The following DMD variants were observed in gnomAD, a reference collection of about 807,000 sequenced individuals.
DMD encodes the protein dystrophin.
In DMD, 63 loss-of-function variants were observed where a neutral mutation model predicts 330.1. The ratio of observed to expected loss-of-function variants is 0.19; its 90% CI spans 0.16 to 0.24. The LOEUF (loss-of-function observed/expected upper bound fraction) is 0.24, where lower values mean the gene tolerates loss of function less well. DMD is among the 10% of genes least tolerant of loss of function. DMD has a pLI of 1.00. For synonymous variants in DMD, 1,223 were observed against 959.8 expected (o/e 1.27, Z -5.07); for missense variants, 3,344 against 2,684.1 (o/e 1.25, Z -5.43).
At chrX:32,013,346 A>C (rs1424955005) in intron 44 of DMD, among the ~76,000 whole-genome samples, 1 of 110,657 alleles carries the variant, frequency 9.0e-6, no homozygotes, top group Non-Finnish European at 1.9e-5. Context: ...TGGCCTCCCA[A>C]AGTGCTGGGA....
intron 62 of DMD, among the ~76,000 whole-genome samples, chrX:31,282,384 C>T (rs992143229): frequency 4.2e-4 from 47 of 111,016 alleles, no homozygotes; most frequent in Non-Finnish European, 1.7e-4. Context: ...TTCTCTGTGC[C>T]TCTACCTTCC....
At chrX:32,458,273 G>A (rs1218068561) in intron 25 of DMD, among the ~76,000 whole-genome samples, 4 of 110,997 alleles carry the variant, frequency 3.6e-5, no homozygotes, top group Non-Finnish European at 7.6e-5. Flanking sequence ...GCGTGTGTCT[G>A]GTTTATTTCA....
intron 2 of DMD, among the ~76,000 whole-genome samples, chrX:32,861,691 A>C (rs1263441546): frequency 9.0e-6 from 1 of 111,653 alleles, no homozygotes; most frequent in African/African-American, 3.3e-5. Flanking sequence ...TGGGTGATGG[A>C]ATTTCTTTCC....
intron 2 of DMD, among the ~76,000 whole-genome samples, chrX:32,862,290 T>TAG (rs1481194257): frequency 8.9e-6 from 1 of 112,285 alleles, no homozygotes; most frequent in Non-Finnish European, 1.9e-5. Context: ...GCATCTTAAC[T>TAG]AGAACCCAAT....
chrX:33,142,283 C>A (rs1471795126), intron 1 of DMD, among the ~76,000 whole-genome samples: 1 of 112,290 alleles, frequency 8.9e-6, no homozygotes, highest in Non-Finnish European at 1.9e-5. Flanking sequence ...AAGGGTTTCA[C>A]CATGTTGATC....
At chrX:32,316,873 C>G (rs1333249172) in intron 41 of DMD, among the ~76,000 whole-genome samples, 2 of 110,811 alleles carry the variant, frequency 1.8e-5, no homozygotes, top group African/African-American at 6.5e-5. Context: ...AATGAGAAAA[C>G]TACATCCATT....
At chrX:32,689,071 T>G (rs2046741103) in intron 9 of DMD, among the ~76,000 whole-genome samples, 1 of 111,276 alleles carries the variant, frequency 9.0e-6, no homozygotes, top group Non-Finnish European at 1.9e-5. Flanking sequence ...TGCTAGGCAT[T>G]TAACATATTT....
At chrX:32,301,105 T>A (rs1393672125) in intron 42 of DMD, among the ~76,000 whole-genome samples, 1 of 108,717 alleles carries the variant, frequency 9.2e-6, no homozygotes, top group Non-Finnish European at 1.9e-5. Context: ...CCGTTTTATA[T>A]ATAACTAATA....
intron 45 of DMD, among the ~76,000 whole-genome samples, chrX:31,962,456 G>T (rs1284440489): frequency 9.0e-6 from 1 of 111,686 alleles, no homozygotes; most frequent in African/African-American, 3.3e-5. Flanking sequence ...TAAAAATGCT[G>T]ACTGTTATTT....
At chrX:32,403,881 T>C (rs925957566) in intron 30 of DMD, among the ~76,000 whole-genome samples, 5 of 111,890 alleles carry the variant, frequency 4.5e-5, no homozygotes, top group Non-Finnish European at 7.5e-5. Flanking sequence ...CCACATAAAT[T>C]CCCCTTTGCA....
intron 16 of DMD, among the ~76,000 whole-genome samples, chrX:32,546,049 A>G (rs980522002): frequency 2.8e-5 from 3 of 106,712 alleles, no homozygotes; most frequent in African/African-American, 1.0e-4. Context: ...AATCTCAATT[A>G]CCTCCTGTTC....
chrX:32,653,602 G>A (rs2060331860), intron 9 of DMD, among the ~76,000 whole-genome samples: 1 of 111,897 alleles, frequency 8.9e-6, no homozygotes, highest in African/African-American at 3.3e-5. Flanking sequence ...GATACCTCCA[G>A]CTTTGTTCTT....
At chrX:32,489,833 G>T (rs1157068260) in intron 20 of DMD, among the ~76,000 whole-genome samples, 1 of 111,869 alleles carries the variant, frequency 8.9e-6, no homozygotes, top group Non-Finnish European at 1.9e-5. Flanking sequence ...CTGATTCACA[G>T]GAAAAGCGGC....
At chrX:31,589,395 T>C (rs1027298329) in intron 55 of DMD, among the ~76,000 whole-genome samples, 5 of 111,358 alleles carry the variant, frequency 4.5e-5, no homozygotes, top group Admixed American at 1.9e-4. Context: ...CCCTGACTTA[T>C]TGGGGGTCCT....
At chrX:31,247,092 A>G (rs996383948) in intron 63 of DMD, among the ~76,000 whole-genome samples, 2 of 111,598 alleles carry the variant, frequency 1.8e-5, no homozygotes, top group Non-Finnish European at 3.8e-5. Context: ...TCAAAATATA[A>G]CTGCTCACTG....
chrX:32,709,877 T>C lies in DMD; in HGVS notation c.650-10584A>G, dbSNP rs181264706. 4.8e-3 allele frequency among the ~76,000 whole-genome samples: 541 copies of C among 111,795 alleles called. 12 individuals are homozygous for C. Among genetic ancestry groups the C allele is most frequent in the African/African-American group, 0.017 (513 of 30,828 alleles). ...AAAGGCAGGAACTTCCTTTAGATTG[T>C]TTTACCAATGACTGAGAAGTAGTAG... is the stretch of plus-strand genomic sequence containing the variant. On this transcript the variant is annotated intron_variant, in intron 7 of 78. Transcript: ENST00000357033.
intron 7 of DMD, among the ~76,000 whole-genome samples, chrX:32,786,086 A>AGTGTGTGTGTGTGTGTGTGTGT (rs368269067): frequency 4.0e-4 from 39 of 96,565 alleles, no homozygotes; most frequent in African/African-American, 1.2e-3. Context: ...GAGGAATAAG[A>AGTGTGTGTGTGTGTGTGTGTGT]GTGTGTGTGT....
intron 1 of DMD, among the ~76,000 whole-genome samples, chrX:33,155,768 G>T (rs1191758255): frequency 9.2e-6 from 1 of 108,628 alleles, no homozygotes; most frequent in African/African-American, 3.4e-5. Flanking sequence ...AGACCAGCCT[G>T]GGCAACACAG....
At chrX:31,606,297 A>T (rs767188425) in intron 55 of DMD, among the ~76,000 whole-genome samples, 19 of 111,998 alleles carry the variant, frequency 1.7e-4, no homozygotes, top group African/African-American at 6.2e-4. Context: ...TTATAGCAGT[A>T]TGAAAATGGA....
Sources: gnomAD v4.1 joint callset for allele counts (sites outside exome capture counted in the v4.1 genomes callset) on GRCh38, gnomAD v4.1.1 for gene constraint, MANE v1.5 for transcripts, NCBI Gene and HGNC (gene_info 2026-07-23, HGNC 2026-07-21) for gene names.